The following PTPA variants were observed in gnomAD, a reference collection of about 807,000 sequenced individuals.
The protein encoded by PTPA is serine/threonine-protein phosphatase 2A activator.
Under a neutral mutation model 43.6 loss-of-function variants are expected in PTPA, and 13 were observed. That is an observed-to-expected ratio of 0.30 (90% CI 0.19 to 0.47). The LOEUF is 0.47. PTPA is among the 20% of genes least tolerant of loss of function. The pLI is 0.99. For synonymous variants in PTPA, 172 were observed against 158.2 expected (o/e 1.09, Z -0.66); for missense variants, 329 against 411.9 (o/e 0.80, Z 1.74).
upstream of PTPA, chr9:129,111,276 G>C: frequency 8.3e-7 from 1 of 1,204,380 alleles, no homozygotes; most frequent in Non-Finnish European, 1.0e-6. Flanking sequence ...CGACGTTCGG[G>C]CGGCCGTGAG....
intron 4 of PTPA, among the ~76,000 whole-genome samples, chr9:129,130,463 A>G (rs1050993338): frequency 5.4e-5 from 8 of 148,078 alleles, no homozygotes; most frequent in African/African-American, 7.5e-5. Flanking sequence ...GCATGATCTC[A>G]GCTCCCTGCA....
At chr9:129,136,362 AAC>A (rs1850367161) in intron 6 of PTPA, 107 bp from the exon 7 acceptor site, 1 of 1,241,572 alleles carries the variant, frequency 8.1e-7, no homozygotes, top group African/African-American at 1.5e-5. Flanking sequence ...GAGACCAGTT[AAC>A]ACTCTTCAGT....
intron 6 of PTPA, among the ~76,000 whole-genome samples, chr9:129,136,029 G>A (rs1194045481): frequency 1.3e-5 from 2 of 152,130 alleles, no homozygotes; most frequent in South Asian, 2.1e-4. Context: ...GTGCAGTGGA[G>A]AGATCTCGGC....
At chr9:129,128,060 C>T (rs1849697756) in intron 3 of PTPA, 1 of 1,332,762 alleles carries the variant, frequency 7.5e-7, no homozygotes, top group Non-Finnish European at 1.0e-6. Flanking sequence ...GCACTGTGCA[C>T]CTTCGGAGGT....
intron 9 of PTPA, chr9:129,143,618 G>A: frequency 1.7e-6 from 1 of 600,750 alleles, no homozygotes; most frequent in South Asian, 1.9e-5. Flanking sequence ...GGTTAATGAG[G>A]CTTGAACTGA....
At chr9:129,141,851 G>C (rs1024621453) in intron 8 of PTPA, 1 of 151,920 alleles carries the variant, frequency 6.6e-6, no homozygotes, top group Non-Finnish European at 1.5e-5. Flanking sequence ...CCTGGGTTTG[G>C]TCATACCCAC....
intron 9 of PTPA, chr9:129,142,908 T>C: frequency 2.0e-6 from 3 of 1,480,364 alleles, no homozygotes; most frequent in Middle Eastern, 3.9e-4. Flanking sequence ...TGAGTCTGGC[T>C]CTCCCATGGC....
chr9:129,147,701 C>T lies in PTPA; in HGVS notation c.*237C>T. 1.9e-6 allele frequency: 1 copy of T among 520,874 alleles called. No individual in the cohort carries two copies. Among genetic ancestry groups the T allele is most frequent in the Non-Finnish European group, 3.5e-6 (1 of 286,630 alleles). 32.3% of individuals were successfully genotyped at this position (520,874 alleles called of 1,614,324 possible). On this transcript the variant is annotated 3_prime_UTR_variant, in exon 10 of 10. Transcript: ENST00000393370. Reference sequence around the variant, plus strand: ...CTGAGTTCCCGTGTGCTAGACTGGCCAGAAGAGAGGGTCTGGGGCCTGGTC... The same window carrying T: ...CTGAGTTCCCGTGTGCTAGACTGGCTAGAAGAGAGGGTCTGGGGCCTGGTC...
chr9:129,145,202 G>A (rs552881946), intron 9 of PTPA, among the ~76,000 whole-genome samples: 21 of 151,602 alleles, frequency 1.4e-4, no homozygotes, highest in South Asian at 8.3e-4. Context: ...ATCGTGGTGC[G>A]CACCTGTAAT....
Position 129,111,959 on chromosome 9 carries a change from C to T in PTPA, c.31+328C>T, listed in dbSNP as rs17508722. ...TCTGGGCAGCGCGTGCTTAAGTAAG[C>T]TGCTGACTCGGTGGGGAAGCTGCCA... On this transcript the variant is annotated intron_variant, in intron 1 of 9. Coordinates refer to ENST00000393370, the MANE Select transcript of PTPA (RefSeq NM_178000.3). 1.3e-3 allele frequency: 512 copies of T among 409,344 alleles called. 6 individuals are homozygous for T. The highest frequency in any genetic ancestry group is 9.4e-3 in the African/African-American group (454 of 48,542). 25.4% of individuals were successfully genotyped at this position (409,344 alleles called of 1,614,324 possible).
At position 129,134,913 on chromosome 9, in the gene PTPA, G is replaced by A; in HGVS notation, c.560+19G>A. On this transcript the variant is annotated intron_variant, in intron 6 of 9. Coordinates refer to ENST00000393370, the MANE Select transcript of PTPA (RefSeq NM_178000.3). ...TCAATCGGTGAGAGAAAGGACAGGA[G>A]GGTTGGAGGAGGGGGCGTGAGGGGC... 6.2e-7 allele frequency: 1 copy of A among 1,603,140 alleles called. No individual in the cohort carries two copies. The highest frequency in any genetic ancestry group is 1.3e-5 in the African/African-American group (1 of 74,752).
chr9:129,135,229 C>A (rs1357386707), intron 6 of PTPA, among the ~76,000 whole-genome samples: 1 of 152,148 alleles, frequency 6.6e-6, no homozygotes, highest in Non-Finnish European at 1.5e-5. Context: ...CCCGTCTCTA[C>A]TAAAAATACA....
chr9:129,146,680 G>A (rs1273358554), intron 9 of PTPA, among the ~76,000 whole-genome samples: 9 of 152,218 alleles, frequency 5.9e-5, no homozygotes, highest in African/African-American at 2.2e-4. Context: ...AGCTGCAGCT[G>A]GAAGCTGGGG....
intron 9 of PTPA, 101 bp downstream of exon 9, chr9:129,142,653 T>C: frequency 1.3e-6 from 2 of 1,558,716 alleles, no homozygotes; most frequent in Non-Finnish European, 1.7e-6. Flanking sequence ...TGCTTCCTCC[T>C]ACCCCACTGT....
chr9:129,133,213 C>T (rs891512020), intron 5 of PTPA, among the ~76,000 whole-genome samples: 2 of 152,248 alleles, frequency 1.3e-5, no homozygotes, highest in Admixed American at 1.3e-4. Flanking sequence ...CACCGCTCAG[C>T]CCTCCCCTTG....
intron 1 of PTPA, among the ~76,000 whole-genome samples, chr9:129,118,285 C>T (rs937307655): frequency 6.6e-6 from 1 of 152,076 alleles, no homozygotes; most frequent in Non-Finnish European, 1.5e-5. Context: ...AACTCCTGAT[C>T]TCGTGATCTG....
At chr9:129,144,197 G>A (rs1233084334) in intron 9 of PTPA, among the ~76,000 whole-genome samples, 1 of 151,654 alleles carries the variant, frequency 6.6e-6, no homozygotes, top group Non-Finnish European at 1.5e-5. Context: ...GAGCATATTC[G>A]GATTGAAAAT....
At chr9:129,137,503 G>A in intron 7 of PTPA, 89 bp from the exon 8 acceptor site, 3 of 1,013,104 alleles carry the variant, frequency 3.0e-6, no homozygotes, top group Non-Finnish European at 3.0e-6. Context: ...GCAGGACTGA[G>A]GCCCCTGGGG....
chr9:129,139,523 G>C (rs547435408), intron 8 of PTPA: 1 of 152,336 alleles, frequency 6.6e-6, no homozygotes, highest in South Asian at 2.1e-4. Context: ...CCAGGAGCCG[G>C]GGTGGCTGCA....
Sources: allele counts gnomAD v4.1 joint callset (sites outside exome capture counted in the v4.1 genomes callset), GRCh38; gene constraint gnomAD v4.1.1; transcripts MANE v1.5; gene names NCBI Gene and HGNC (gene_info 2026-07-23, HGNC 2026-07-21).